The following OLA1 variants were observed in gnomAD, a reference collection of about 807,000 sequenced individuals.
OLA1 encodes the protein Obg like ATPase 1.
Under a neutral mutation model 48.4 loss-of-function variants are expected in OLA1, and 14 were observed. The ratio of observed to expected loss-of-function variants is 0.29; its 90% CI spans 0.19 to 0.45. The LOEUF (loss-of-function observed/expected upper bound fraction) is 0.45. OLA1 is among the 20% of genes least tolerant of loss of function. The pLI, the probability that OLA1 is intolerant of heterozygous loss-of-function variation, is 1.00. For synonymous variants in OLA1, 127 were observed against 150.4 expected, an observed-to-expected ratio of 0.84 and a Z score of 1.14; for missense variants, 325 against 467.1, an observed-to-expected ratio of 0.70 and a Z score of 2.80.
intron 5 of OLA1, among the ~76,000 whole-genome samples, chr2:174,132,707 T>C (rs1686212408): frequency 6.6e-6 from 1 of 152,182 alleles, no homozygotes; most frequent in Admixed American, 6.5e-5. Context: ...TAATATATTC[T>C]TTATGACTTC....
intron 7 of OLA1, among the ~76,000 whole-genome samples, chr2:174,114,796 T>TCC (rs1685742221): frequency 6.6e-6 from 1 of 152,252 alleles, no homozygotes; most frequent in East Asian, 1.9e-4. Flanking sequence ...AGTAACCCAT[T>TCC]CCTAAACTAA....
chr2:174,159,135 T>C (rs1348538864), intron 4 of OLA1, among the ~76,000 whole-genome samples: 1 of 152,198 alleles, frequency 6.6e-6, no homozygotes, highest in Non-Finnish European at 1.5e-5. Flanking sequence ...CTCAACAGCA[T>C]AAACAGTTCA....
chr2:174,127,000 C>T (rs139711907), intron 5 of OLA1, among the ~76,000 whole-genome samples: 1 of 152,322 alleles, frequency 6.6e-6, no homozygotes, highest in African/African-American at 2.4e-5. Context: ...CTTTTAACTG[C>T]AAAGAAACTT....
At chr2:174,106,499 A>G (rs1250167781) in intron 7 of OLA1, among the ~76,000 whole-genome samples, 1 of 152,120 alleles carries the variant, frequency 6.6e-6, no homozygotes, top group Non-Finnish European at 1.5e-5. Context: ...GCAGCTAACA[A>G]AAGCAGAGCA....
At chr2:174,224,438 A>C (rs1258281538) in intron 3 of OLA1, among the ~76,000 whole-genome samples, 1 of 152,142 alleles carries the variant, frequency 6.6e-6, no homozygotes, top group Non-Finnish European at 1.5e-5. Flanking sequence ...AGGGAAAGTA[A>C]AACAATTCTA....
chr2:174,193,905 C>T (rs1687828568), intron 4 of OLA1, among the ~76,000 whole-genome samples: 1 of 152,184 alleles, frequency 6.6e-6, no homozygotes, highest in Non-Finnish European at 1.5e-5. Flanking sequence ...ACATGTCAGC[C>T]TGGGTCTTGA....
At chr2:174,203,797 G>A (rs1688045616) in intron 4 of OLA1, among the ~76,000 whole-genome samples, 1 of 136,938 alleles carries the variant, frequency 7.3e-6, no homozygotes, top group African/African-American at 2.8e-5. Context: ...AAACGGAGTA[G>A]GATTTTTTTT....
At chr2:174,177,474 A>G (rs976184878) in intron 4 of OLA1, among the ~76,000 whole-genome samples, 2 of 152,172 alleles carry the variant, frequency 1.3e-5, no homozygotes, top group African/African-American at 4.8e-5. Flanking sequence ...AAAGTCTTTC[A>G]ACAGGCAATG....
chr2:174,117,206 G>A (rs1241103557), intron 7 of OLA1, among the ~76,000 whole-genome samples: 1 of 152,124 alleles, frequency 6.6e-6, no homozygotes, highest in Non-Finnish European at 1.5e-5. Flanking sequence ...CATTCACAAG[G>A]CCAAAACAAG....
rs180900460 is a variant in OLA1, at chr2:174,230,612, A to G, written c.102-1161T>C. ...TAATCTGACCAACACTTTACATGTT[A>G]CTGCTAGTTTACAGGAAATATAGAG... On this transcript the variant is annotated intron_variant, in intron 2 of 10. Coordinates refer to ENST00000284719, the MANE Select transcript of OLA1 (RefSeq NM_013341.5). 2.9e-3 allele frequency among the ~76,000 whole-genome samples: 446 copies of G among 152,344 alleles called. 3 individuals are homozygous for G. The highest frequency in any genetic ancestry group is 9.9e-3 in the African/African-American group (412 of 41,588).
chr2:174,116,647 T>C (rs757139266), intron 7 of OLA1, among the ~76,000 whole-genome samples: 3 of 152,202 alleles, frequency 2.0e-5, no homozygotes, highest in Non-Finnish European at 4.4e-5. Flanking sequence ...ACCTCAGGAA[T>C]GCTCTGTACG....
chr2:174,082,045 A>G lies in OLA1; in HGVS notation c.748T>C (p.Trp250Arg), dbSNP rs759756460. The G allele has an allele frequency of 1.9e-6, 3 of 1,612,974 alleles. No homozygotes were observed. The highest frequency in any genetic ancestry group is 2.5e-6 in the Non-Finnish European group (3 of 1,179,360). ...GCACCTGGGTCATACTTGTCCACCC[A>G]CTCTTTAATTTTTATCAACCTGTAG... is the stretch of plus-strand genomic sequence containing the variant. ...KNKWLIKIKE[W>R]VDKYDPGALV... The change falls in exon 8 of 11, where the codon TGG becomes CGG. Residue 250 changes from tryptophan (W) to arginine (R), a missense_variant. By Grantham distance (101) the Trp-to-Arg change is moderately radical. Transcript: ENST00000284719.
intron 4 of OLA1, among the ~76,000 whole-genome samples, chr2:174,144,426 C>G (rs1024759659): frequency 6.6e-6 from 1 of 152,032 alleles, no homozygotes; most frequent in Non-Finnish European, 1.5e-5. Flanking sequence ...AATGGGAACA[C>G]TAAGGCTATC....
At chr2:174,092,113 G>A (rs116746893) in intron 7 of OLA1, among the ~76,000 whole-genome samples, 7,846 of 117,532 alleles carry the variant, frequency 0.067, 301 homozygotes, top group Middle Eastern at 0.18. Flanking sequence ...GGCAACAAGA[G>A]CAAAACTCCA....
chr2:174,179,277 T>G (rs1009882036), intron 4 of OLA1, among the ~76,000 whole-genome samples: 4 of 151,710 alleles, frequency 2.6e-5, no homozygotes, highest in Admixed American at 2.0e-4. Context: ...GAGAAATGAC[T>G]GGCTATTAGT....
At chr2:174,174,827 A>T (rs1430817718) in intron 4 of OLA1, among the ~76,000 whole-genome samples, 4 of 151,498 alleles carry the variant, frequency 2.6e-5, no homozygotes, top group Non-Finnish European at 3.0e-5. Context: ...ATCTTAAAAA[A>T]TAGGAAAAGG....
chr2:174,105,283 T>C (rs1189687840), intron 7 of OLA1, among the ~76,000 whole-genome samples: 1 of 151,986 alleles, frequency 6.6e-6, no homozygotes, highest in African/African-American at 2.4e-5. Context: ...TGGGTTTCAT[T>C]ATACTTAATC....
intron 7 of OLA1, among the ~76,000 whole-genome samples, chr2:174,108,661 T>TTA (rs1442950619): frequency 6.6e-6 from 1 of 152,160 alleles, no homozygotes; most frequent in Non-Finnish European, 1.5e-5. Context: ...TCCAGTTACT[T>TTA]TTTATAAATG....
At chr2:174,227,409 C>T (rs1688639946) in intron 3 of OLA1, among the ~76,000 whole-genome samples, 1 of 152,008 alleles carries the variant, frequency 6.6e-6, no homozygotes, top group African/African-American at 2.4e-5. Flanking sequence ...GTAAACTACC[C>T]TGATTTTGAT....
Sources: gnomAD v4.1 joint callset for allele counts (sites outside exome capture counted in the v4.1 genomes callset) on GRCh38, gnomAD v4.1.1 for gene constraint, MANE v1.5 for transcripts, NCBI Gene and HGNC (gene_info 2026-07-23, HGNC 2026-07-21) for gene names.